The following CPXM2 variants were observed in gnomAD, a reference collection of about 807,000 sequenced individuals.
CPXM2 encodes carboxypeptidase X, M14 family member 2.
In CPXM2, 66 loss-of-function variants were observed where a neutral mutation model predicts 86.1. The ratio of observed to expected loss-of-function variants is 0.77; its 90% CI spans 0.63 to 0.94. CPXM2 has a LOEUF of 0.94. Among genes scored for constraint, CPXM2 ranks in the 40% least tolerant of loss-of-function variants. The probability of loss-of-function intolerance (pLI) is 0.00; values close to 1 mark genes in which losing one functional copy is unlikely to be tolerated. For synonymous variants in CPXM2, 388 were observed against 400.2 expected, an observed-to-expected ratio of 0.97 and a Z score of 0.36; for missense variants, 948 against 1,026.3, an observed-to-expected ratio of 0.92 and a Z score of 1.04.
At chr10:123,781,357 G>A (rs191331740) in intron 6 of CPXM2, among the ~76,000 whole-genome samples, 1 of 152,304 alleles carries the variant, frequency 6.6e-6, no homozygotes, top group East Asian at 1.9e-4. Context: ...CAAGAACACA[G>A]GGCAGAGAGG....
At chr10:123,870,173 C>T (rs1038428127) in intron 2 of CPXM2, among the ~76,000 whole-genome samples, 4 of 141,900 alleles carry the variant, frequency 2.8e-5, no homozygotes, top group Non-Finnish European at 3.0e-5. Context: ...TCAGGGATGC[C>T]GAACACAGTT....
At chr10:123,791,801 G>A (rs1847212822) in intron 6 of CPXM2, among the ~76,000 whole-genome samples, 1 of 151,640 alleles carries the variant, frequency 6.6e-6, no homozygotes, top group Admixed American at 6.6e-5. Context: ...GAGGTTCTGA[G>A]GGGGACATGA....
intron 2 of CPXM2, among the ~76,000 whole-genome samples, chr10:123,876,248 A>G (rs1044056656): frequency 1.3e-5 from 2 of 152,206 alleles, no homozygotes; most frequent in Non-Finnish European, 2.9e-5. Flanking sequence ...TCTGTTCACC[A>G]TGATGCTGGC....
At chr10:123,879,552 A>G (rs981507267) in intron 2 of CPXM2, among the ~76,000 whole-genome samples, 3 of 152,212 alleles carry the variant, frequency 2.0e-5, no homozygotes, top group Non-Finnish European at 2.9e-5. Context: ...TGGCTACTAC[A>G]TAAGTGCTTA....
chr10:123,933,822 C>T (rs958380925), intron 2 of CPXM2, among the ~76,000 whole-genome samples: 16 of 152,130 alleles, frequency 1.1e-4, no homozygotes, highest in Admixed American at 1.3e-4. Flanking sequence ...TCATACCCTT[C>T]ATAAGATGTA....
At chr10:123,753,607 T>C (rs775371692) in intron 13 of CPXM2, among the ~76,000 whole-genome samples, 5 of 152,208 alleles carry the variant, frequency 3.3e-5, no homozygotes, top group Non-Finnish European at 5.9e-5. Flanking sequence ...TGTATGAGCG[T>C]TCTTTGAGAA....
At chr10:123,930,516 A>G (rs1338478990) in intron 2 of CPXM2, among the ~76,000 whole-genome samples, 1 of 152,094 alleles carries the variant, frequency 6.6e-6, no homozygotes, top group Admixed American at 6.5e-5. Context: ...CCTGTAGCAC[A>G]CTCCAGCCAG....
intron 3 of CPXM2, among the ~76,000 whole-genome samples, chr10:123,854,446 T>C (rs1180697544): frequency 7.7e-6 from 1 of 129,670 alleles, no homozygotes; most frequent in Non-Finnish European, 1.6e-5. Context: ...TATACTTTTA[T>C]ATATAATATA....
intron 2 of CPXM2, among the ~76,000 whole-genome samples, chr10:123,936,283 A>T (rs1037248809): frequency 3.3e-5 from 5 of 152,204 alleles, no homozygotes; most frequent in Non-Finnish European, 7.4e-5. Flanking sequence ...AGTGGTCCAG[A>T]ACTCCAGACC....
chr10:123,942,945 CAAAT>C (rs1355071076), upstream of CPXM2, among the ~76,000 whole-genome samples: 1 of 150,048 alleles, frequency 6.7e-6, no homozygotes, highest in Non-Finnish European at 1.5e-5. Flanking sequence ...TTTAGTTACA[CAAAT>C]ACTTACTATT....
intron 7 of CPXM2, among the ~76,000 whole-genome samples, chr10:123,771,702 T>A (rs1256044398): frequency 6.6e-6 from 1 of 152,232 alleles, no homozygotes; most frequent in Non-Finnish European, 1.5e-5. Flanking sequence ...TCTTGAATTA[T>A]AGTTCCCATA....
chr10:123,799,304 T>G (rs1847403153), intron 4 of CPXM2, 105 bp from the exon 5 acceptor site: 1 of 1,364,270 alleles, frequency 7.3e-7, no homozygotes, highest in Non-Finnish European at 1.0e-6. Flanking sequence ...CAGATGGCAC[T>G]GGGTCAAACC....
chr10:123,857,745 G>C (rs1000060024), intron 3 of CPXM2, among the ~76,000 whole-genome samples: 1 of 152,228 alleles, frequency 6.6e-6, no homozygotes, highest in Admixed American at 6.5e-5. Flanking sequence ...CACCAGCACA[G>C]GCCCCACTGA....
rs183495381 is a variant in CPXM2, at chr10:123,883,406, T to A, written c.305-3097A>T. Among the ~76,000 whole-genome samples, 236 of 152,260 alleles carry A rather than the reference T, an allele frequency of 1.5e-3. 1 individual carries two copies. The highest frequency in any genetic ancestry group is 5.6e-3 in the African/African-American group (233 of 41,552). ...CCCTCAGGTATGTCCTGGGATGACC[T>A]CATCACCTCTCTACACTTCAGTTCC... is the stretch of plus-strand genomic sequence containing the variant. On this transcript the variant is annotated intron_variant, in intron 1 of 13. Coordinates refer to ENST00000241305, the MANE Select transcript of CPXM2 (RefSeq NM_198148.3).
At chr10:123,853,532 T>C (rs1479429104) in intron 3 of CPXM2, among the ~76,000 whole-genome samples, 2 of 152,236 alleles carry the variant, frequency 1.3e-5, no homozygotes, top group African/African-American at 4.8e-5. Context: ...TCAGTTCTTA[T>C]GACAGTGCTG....
rs1284186247 is a variant in CPXM2 at position 123,762,064 on chromosome 10, G to C, written c.1585C>G (p.Leu529Val). The change falls in exon 11 of 14, where the codon CTG becomes GTG. Residue 529 changes from leucine to valine, a missense_variant. Transcript: ENST00000241305. ...TGCGTCTTCCAGGGGGACCGCACCA[G>C]GTCGTAGGGGTACGCCACCACCAGC... ...GELVVAYPYDLVRSPWKTQEH... is the reference protein window; with the variant it reads ...GELVVAYPYDVVRSPWKTQEH... The C allele has an allele frequency of 1.2e-6, 2 of 1,614,142 alleles. No individual in the cohort carries two copies. Among genetic ancestry groups the C allele is most frequent in the Middle Eastern group, 1.6e-4 (1 of 6,062 alleles).
intron 4 of CPXM2, among the ~76,000 whole-genome samples, chr10:123,800,070 AG>A (rs1178250219): frequency 6.9e-6 from 1 of 145,666 alleles, no homozygotes; most frequent in African/African-American, 2.6e-5. Flanking sequence ...TGCCCATTGA[AG>A]TATTTGGAAT....
At chr10:123,921,366 C>A (rs758879333) in intron 2 of CPXM2, among the ~76,000 whole-genome samples, 3 of 152,116 alleles carry the variant, frequency 2.0e-5, no homozygotes, top group Non-Finnish European at 4.4e-5. Context: ...GTTCTTAATT[C>A]TGTTTACAAA....
At chr10:123,855,326 T>C (rs768299963) in intron 3 of CPXM2, among the ~76,000 whole-genome samples, 6 of 152,158 alleles carry the variant, frequency 3.9e-5, no homozygotes, top group Non-Finnish European at 5.9e-5. Context: ...CAAGAAGAAC[T>C]TGTGAGACAC....
Sources: gnomAD v4.1 joint callset for allele counts (sites outside exome capture counted in the v4.1 genomes callset) on GRCh38, gnomAD v4.1.1 for gene constraint, MANE v1.5 for transcripts, NCBI Gene and HGNC (gene_info 2026-07-23, HGNC 2026-07-21) for gene names.